The following KIF1A variants were observed in gnomAD, a reference collection of about 807,000 sequenced individuals.
KIF1A encodes kinesin family member 1A.
Under a neutral mutation model 227.3 loss-of-function variants are expected in KIF1A, and 46 were observed. The ratio of observed to expected loss-of-function variants is 0.20; its 90% CI spans 0.16 to 0.26. The LOEUF is 0.26. KIF1A is among the 10% of genes least tolerant of loss of function. KIF1A has a pLI of 1.00. For synonymous variants in KIF1A, 1,022 were observed against 1,012.8 expected, an observed-to-expected ratio of 1.01 and a Z score of -0.17; for missense variants, 1,683 against 2,485.9, an observed-to-expected ratio of 0.68 and a Z score of 6.87.
intron 23 of KIF1A, among the ~76,000 whole-genome samples, chr2:240,761,721 A>T (rs2125896987): frequency 6.6e-6 from 1 of 152,330 alleles, no homozygotes; most frequent in African/African-American, 2.4e-5. Flanking sequence ...GCTCTGTCAC[A>T]GTGAGCAACA....
rs2044652253 is a variant in KIF1A at position 240,717,040 on chromosome 2, T to C, written c.*324A>G. 1 of 350,812 alleles carries C rather than the reference T, an allele frequency of 2.9e-6. No homozygotes were observed. Among genetic ancestry groups the C allele is most frequent in the Non-Finnish European group, 5.2e-6 (1 of 193,604 alleles). The allele number at this position is 350,812 out of a possible 1,614,324, so 21.7% of individuals were successfully genotyped here. ...TGTTTCAATGTCACTAACTAACGTA[T>C]ATTAATTATAAGTCTGTCTATGCTT... On this transcript the variant is annotated 3_prime_UTR_variant, in exon 49 of 49. Coordinates refer to ENST00000498729, the MANE Select transcript of KIF1A (RefSeq NM_001244008.2).
chr2:240,771,765 G>C (rs2052028353), intron 14 of KIF1A, among the ~76,000 whole-genome samples: 1 of 152,216 alleles, frequency 6.6e-6, no homozygotes, highest in South Asian at 2.1e-4. Flanking sequence ...CCTGGAGGAG[G>C]TGAACATGGG....
Position 240,772,599 on chromosome 2 carries a change from A to G in KIF1A, c.1181-3T>C. The G allele has an allele frequency of 6.8e-7, 1 of 1,475,946 alleles. No homozygotes were observed. Among genetic ancestry groups the G allele is most frequent in the African/African-American group, 1.4e-5 (1 of 71,732 alleles). The allele number at this position is 1,475,946 out of a possible 1,614,324, so 91.4% of individuals were successfully genotyped here. ...GGGTCCTCCAGGCACAGTGTTGGCT[A>G]TGGGGGAGGGAAGCGTGGGGGAGGG... On this transcript the variant is annotated splice_polypyrimidine_tract_variant and splice_region_variant and intron_variant, in intron 13 of 48. Coordinates refer to ENST00000498729, the MANE Select transcript of KIF1A (RefSeq NM_001244008.2).
chr2:240,757,562 A>C lies in KIF1A; in HGVS notation c.2615T>G (p.Leu872Arg). 2 of 1,544,220 alleles carry C rather than the reference A, an allele frequency of 1.3e-6. No homozygotes were observed. The highest frequency in any genetic ancestry group is 1.7e-6 in the Non-Finnish European group (2 of 1,143,316). Residue 872 changes from leucine to arginine, a missense_variant, in exon 27 of 49, where the codon CTT (leucine) becomes CGT (arginine). Coordinates refer to ENST00000498729, the MANE Select transcript of KIF1A (RefSeq NM_001244008.2). The surrounding 1 kb of genome is among the most constrained non-coding windows in gnomAD (Gnocchi z 6.2). Reference sequence around the variant, plus strand: ...GCGCTCGCTCATGCATGTGTTGAGAAGAGGGTAGCTGTTGCAGCCAGAGAT... The same window carrying C: ...GCGCTCGCTCATGCATGTGTTGAGACGAGGGTAGCTGTTGCAGCCAGAGAT... ...SAISGCNSYPLLNTCMSERMA... is the reference protein window; with the variant it reads ...SAISGCNSYPRLNTCMSERMA...
At chr2:240,820,683 T>C (rs2058660116), upstream of KIF1A, among the ~76,000 whole-genome samples, 1 of 143,722 alleles carries the variant, frequency 7.0e-6, no homozygotes, top group African/African-American at 2.6e-5. This position sits in a 1 kb window ranked among gnomAD's most constrained non-coding sequence, Gnocchi z 6.2. Context: ...CGGGCGGGGC[T>C]GGGGAGGGAG....
At chr2:240,755,893 C>A (rs2049790810) in intron 27 of KIF1A, among the ~76,000 whole-genome samples, 1 of 152,016 alleles carries the variant, frequency 6.6e-6, no homozygotes, top group African/African-American at 2.4e-5. Context: ...GAGAGGCCTG[C>A]ATGGAACTGG....
intron 1 of KIF1A, among the ~76,000 whole-genome samples, chr2:240,800,940 G>A (rs1482809098): frequency 6.6e-6 from 1 of 152,276 alleles, no homozygotes; most frequent in East Asian, 1.9e-4. Flanking sequence ...GGTTTAATTC[G>A]GACTTCAGTC....
chr2:240,757,447 C>G lies in KIF1A; in HGVS notation c.2730G>C (p.Glu910Asp). ...CATCCTCCTCCTCCTCCTCCTCCTC[C>G]TCCTCCTCCCCCACGCTCTGCTCCT... ...PAEEQSVGEE[E>D]EEEEEEEDEE... Residue 910 changes from glutamate to aspartate, a missense_variant, in exon 27 of 49, where the codon GAG becomes GAC. Physicochemically the swap from Glu to Asp is conservative, Grantham distance 45. Around this residue, in one of 12 missense-constraint regions of KIF1A, gnomAD observed 759 missense variants for 1,020.2 expected, o/e 0.74. Coordinates refer to ENST00000498729, the MANE Select transcript of KIF1A (RefSeq NM_001244008.2). This position sits in a 1 kb window ranked among gnomAD's most constrained non-coding sequence, Gnocchi z 6.2. 6.5e-7 allele frequency: 1 copy of G among 1,550,238 alleles called. No homozygotes were observed.
chr2:240,817,151 G>C (rs552801051), intron 1 of KIF1A, among the ~76,000 whole-genome samples: 1 of 152,226 alleles, frequency 6.6e-6, no homozygotes, highest in Non-Finnish European at 1.5e-5. Context: ...GCCTATGGCC[G>C]GAGGCCACCA....
At chr2:240,817,840 G>A (rs542579555) in intron 1 of KIF1A, among the ~76,000 whole-genome samples, 4 of 152,184 alleles carry the variant, frequency 2.6e-5, no homozygotes, top group Non-Finnish European at 4.4e-5. Context: ...ACTCCCAAAG[G>A]GCATGGTGGG....
chr2:240,803,618 G>A (rs2057156297), intron 1 of KIF1A, among the ~76,000 whole-genome samples: 1 of 152,040 alleles, frequency 6.6e-6, no homozygotes, highest in South Asian at 2.1e-4. Context: ...AACAGGACAT[G>A]GAAAAAAATA....
chr2:240,729,259 CCAA>C lies in KIF1A; in HGVS notation c.4008-2322_4008-2320del, dbSNP rs1272196907. 3.7e-3 allele frequency among the ~76,000 whole-genome samples: 569 copies of C among 152,166 alleles called. 2 individuals carry two copies. Among genetic ancestry groups the C allele is most frequent in the African/African-American group, 0.013 (555 of 41,424 alleles). On this transcript the variant is annotated intron_variant, in intron 38 of 48. Coordinates refer to ENST00000498729, the MANE Select transcript of KIF1A (RefSeq NM_001244008.2). The stretch of plus-strand genomic sequence containing the variant: ...GTGCTGGACCCTCTGTCTTCTGCCT[CCAA>C]AGTCCCTAAAGGGCCTCAGCTTGCT...
chr2:240,747,242 A>G lies in KIF1A; in HGVS notation c.3057T>C (p.Phe1019=), dbSNP rs758714383. 1 of 1,613,180 alleles carries G rather than the reference A, an allele frequency of 6.2e-7. No individual in the cohort carries two copies. The highest frequency in any genetic ancestry group is 2.2e-5 in the East Asian group (1 of 44,876). ...TCGGGAGGGAGCTTGGTACCTTTTCAAAATGCTGGTCATCAAAGGAGATTT... is the reference window on the plus strand; with the variant it reads ...TCGGGAGGGAGCTTGGTACCTTTTCGAAATGCTGGTCATCAAAGGAGATTT... ...TAKISFDDQH[F]EKFQSESCPV... The change falls in exon 29 of 49, where the codon TTT becomes TTC. Residue 1019 remains phenylalanine (F), a synonymous_variant. Coordinates refer to ENST00000498729, the MANE Select transcript of KIF1A (RefSeq NM_001244008.2).
chr2:240,718,600 G>A (rs1231238368), intron 47 of KIF1A, among the ~76,000 whole-genome samples: 1 of 152,224 alleles, frequency 6.6e-6, no homozygotes, highest in Non-Finnish European at 1.5e-5. Flanking sequence ...ACTTGTCCAG[G>A]GCCATTCCAG....
Position 240,739,638 on chromosome 2 carries a change from G to C in KIF1A, c.3901+420C>G, listed in dbSNP as rs1402563098. ...AATGCAGTGATGCGTCTGCAGGCCA[G>C]GGTCGCCCAAGATGCTGGCCACCAC... On this transcript the variant is annotated intron_variant, in intron 37 of 48. Transcript: ENST00000498729. The surrounding 1 kb of genome is among the most constrained non-coding windows in gnomAD (Gnocchi z 5.6). Among the ~76,000 whole-genome samples, 1 of 152,188 alleles carries C rather than the reference G, an allele frequency of 6.6e-6. No homozygotes were observed. Among genetic ancestry groups the C allele is most frequent in the African/African-American group, 2.4e-5 (1 of 41,444 alleles).
At position 240,716,802 on chromosome 2, in the gene KIF1A, A is replaced by G. The variant is rs1053215337; in HGVS notation, c.*562T>C. The G allele has an allele frequency of 6.6e-6, 1 of 152,580 alleles. No individual in the cohort carries two copies. Among genetic ancestry groups the G allele is most frequent in the Non-Finnish European group, 1.5e-5 (1 of 68,246 alleles). The allele number at this position is 152,580 out of a possible 1,614,324, so 9.5% of individuals were successfully genotyped here. ...GCGATACACCCGTGTGCTAGCCCCA[A>G]GGTGCCCCACTGGTCCAGACAGCTC... On this transcript the variant is annotated 3_prime_UTR_variant, in exon 49 of 49. Transcript: ENST00000498729.
Position 240,758,240 on chromosome 2 carries a change from G to A in KIF1A, c.2582+120C>T, listed in dbSNP as rs2050102672. On this transcript the variant is annotated intron_variant, in intron 26 of 48. Coordinates refer to ENST00000498729, the MANE Select transcript of KIF1A (RefSeq NM_001244008.2). This position sits in a 1 kb window ranked among gnomAD's most constrained non-coding sequence, Gnocchi z 5.2. ...CCAGGGAGGACAGGGCTGGGAATAT[G>A]GGGCTGGAAAAGCACTTGTCAGGGC... 1.8e-6 allele frequency: 2 copies of A among 1,141,978 alleles called. No individual in the cohort carries two copies. Among genetic ancestry groups the A allele is most frequent in the African/African-American group, 1.6e-5 (1 of 63,602 alleles). The allele number at this position is 1,141,978 out of a possible 1,614,324, so 70.7% of individuals were successfully genotyped here.
chr2:240,769,571 C>T lies in KIF1A; in HGVS notation c.1421+56G>A. ...GGGCTCAGTGCTCATCCTGCCCAGG[C>T]TCCGGGCTTGCTGGCTGCACCCCTC... On this transcript the variant is annotated intron_variant, in intron 16 of 48. Transcript: ENST00000498729. 2.1e-6 allele frequency: 3 copies of T among 1,455,044 alleles called. 1 individual carries two copies. Among genetic ancestry groups the T allele is most frequent in the South Asian group, 2.4e-5 (2 of 83,850 alleles). The allele number at this position is 1,455,044 out of a possible 1,614,324, so 90.1% of individuals were successfully genotyped here. A position where few individuals can be genotyped will look rare whatever the true frequency, so the allele number is the denominator to read the frequency against.
Position 240,788,263 on chromosome 2 carries a change from G to C in KIF1A, c.184-33C>G. Reference sequence around the variant, plus strand: ...ACGAGGAAGGAATGAAGTTGCAGGAGGCTGGGTGCATCCGAGGCTCAGCCC... The same window carrying C: ...ACGAGGAAGGAATGAAGTTGCAGGACGCTGGGTGCATCCGAGGCTCAGCCC... On this transcript the variant is annotated intron_variant, in intron 3 of 48. Coordinates refer to ENST00000498729, the MANE Select transcript of KIF1A (RefSeq NM_001244008.2). This position sits in a 1 kb window ranked among gnomAD's most constrained non-coding sequence, Gnocchi z 6.6. 1 of 1,605,448 alleles carries C rather than the reference G, an allele frequency of 6.2e-7. No individual in the cohort carries two copies. The highest frequency in any genetic ancestry group is 8.5e-7 in the Non-Finnish European group (1 of 1,173,820).
Sources: gnomAD v4.1 joint callset for allele counts (sites outside exome capture counted in the v4.1 genomes callset) on GRCh38, gnomAD v4.1.1 for gene constraint, gnomAD v4.1.1 regional missense constraint, Gnocchi (gnomAD v3.1) non-coding constraint, MANE v1.5 for transcripts, NCBI Gene and HGNC (gene_info 2026-07-23, HGNC 2026-07-21) for gene names.